Variants in AUTS2 observed in about 807,000 individuals in gnomAD.
AUTS2 encodes activator of transcription and developmental regulator AUTS2, also known as autism susceptibility gene 2 protein.
In AUTS2, 17 loss-of-function variants were observed where a neutral mutation model predicts 112.4. The observed-to-expected ratio is 0.15, with a 90% CI of 0.10 to 0.23. AUTS2 has a LOEUF of 0.23. Ranked by LOEUF, AUTS2 falls within the 10% of genes least tolerant of loss-of-function variation. The pLI, the probability that AUTS2 is intolerant of heterozygous loss-of-function variation, is 1.00. For synonymous variants in AUTS2, 751 were observed against 702.7 expected (o/e 1.07, Z -1.09); for missense variants, 1,510 against 1,701.6 (o/e 0.89, Z 1.98).
chr7:70,000,303 A>C (rs1053578035), intron 2 of AUTS2, among the ~76,000 whole-genome samples: 1 of 152,314 alleles, frequency 6.6e-6, no homozygotes, highest in East Asian at 1.9e-4. Flanking sequence ...GTTGGATCAA[A>C]AAGAGCTTTG....
intron 4 of AUTS2, among the ~76,000 whole-genome samples, chr7:70,314,590 G>T (rs993732033): frequency 1.3e-5 from 2 of 152,120 alleles, no homozygotes; most frequent in African/African-American, 4.8e-5. Context: ...CCTCAAATTT[G>T]TTGCTTTAGA....
intron 5 of AUTS2, among the ~76,000 whole-genome samples, chr7:70,518,332 G>A (rs2129494293): frequency 6.6e-6 from 1 of 152,262 alleles, no homozygotes; most frequent in East Asian, 1.9e-4. Flanking sequence ...TGATTTTCAT[G>A]ATCCTGCTAA....
intron 1 of AUTS2, among the ~76,000 whole-genome samples, chr7:69,888,736 G>T (rs1235820909): frequency 1.3e-5 from 2 of 151,268 alleles, no homozygotes; most frequent in Admixed American, 6.6e-5. Flanking sequence ...TCCACGCCTG[G>T]CTAATTTTTT....
intron 4 of AUTS2, among the ~76,000 whole-genome samples, chr7:70,295,847 C>G (rs1788909326): frequency 6.6e-6 from 1 of 152,148 alleles, no homozygotes; most frequent in Non-Finnish European, 1.5e-5. Flanking sequence ...CAAGAGAGTT[C>G]ATAGTATAGA....
intron 5 of AUTS2, among the ~76,000 whole-genome samples, chr7:70,470,956 G>C (rs1797358079): frequency 6.6e-6 from 1 of 152,144 alleles, no homozygotes; most frequent in South Asian, 2.1e-4. Context: ...CCCGGGGAAG[G>C]AAGGGCAGGC....
intron 1 of AUTS2, among the ~76,000 whole-genome samples, chr7:69,614,059 A>G (rs1286295169): frequency 1.3e-5 from 2 of 152,198 alleles, no homozygotes; most frequent in Non-Finnish European, 2.9e-5. Context: ...GGAAATCCCA[A>G]CTGCATTTAG....
chr7:70,439,367 G>A (rs533735576), intron 5 of AUTS2, among the ~76,000 whole-genome samples: 2 of 151,952 alleles, frequency 1.3e-5, no homozygotes, highest in South Asian at 2.1e-4. Context: ...GTGAAACCCC[G>A]TCTCTACTAA....
chr7:70,475,644 G>A (rs1797553343), intron 5 of AUTS2, among the ~76,000 whole-genome samples: 1 of 152,222 alleles, frequency 6.6e-6, no homozygotes, highest in African/African-American at 2.4e-5. Flanking sequence ...CAAGAAATCT[G>A]TGTGCTGAGT....
intron 5 of AUTS2, among the ~76,000 whole-genome samples, chr7:70,558,948 T>C (rs1801363503): frequency 6.6e-6 from 1 of 152,230 alleles, no homozygotes; most frequent in South Asian, 2.1e-4. Flanking sequence ...CCATCTGATA[T>C]GGTTTGGCTC....
chr7:70,507,250 A>T (rs768829415), intron 5 of AUTS2, among the ~76,000 whole-genome samples: 1 of 152,166 alleles, frequency 6.6e-6, no homozygotes, highest in Non-Finnish European at 1.5e-5. Flanking sequence ...TTTCATCAAG[A>T]ATACTGGCCC....
intron 1 of AUTS2, among the ~76,000 whole-genome samples, chr7:69,756,242 T>A (rs549083142): frequency 6.6e-6 from 1 of 152,294 alleles, no homozygotes; most frequent in South Asian, 2.1e-4. Context: ...GTGCTTACAG[T>A]TTTAACAAAG....
At chr7:70,217,700 G>T (rs1811244146) in intron 4 of AUTS2, among the ~76,000 whole-genome samples, 1 of 152,114 alleles carries the variant, frequency 6.6e-6, no homozygotes, top group Non-Finnish European at 1.5e-5. Flanking sequence ...TTTCTGTGGT[G>T]ATGTTTCAGT....
chr7:70,654,719 G>T (rs1383132460), intron 5 of AUTS2, among the ~76,000 whole-genome samples: 1 of 152,120 alleles, frequency 6.6e-6, no homozygotes, highest in Non-Finnish European at 1.5e-5. Flanking sequence ...TGAAAGAAAG[G>T]TGACTACGGT....
chr7:69,729,150 CT>C (rs1786661957), intron 1 of AUTS2, among the ~76,000 whole-genome samples: 1 of 151,942 alleles, frequency 6.6e-6, no homozygotes, highest in African/African-American at 2.4e-5. Flanking sequence ...CAAGAAAGAG[CT>C]TTGATACTAG....
At chr7:69,632,586 C>A (rs546141660) in intron 1 of AUTS2, among the ~76,000 whole-genome samples, 4 of 144,364 alleles carry the variant, frequency 2.8e-5, no homozygotes, top group Non-Finnish European at 6.1e-5. Flanking sequence ...TCTCCCCTCT[C>A]CCCTCTGCCT....
intron 4 of AUTS2, among the ~76,000 whole-genome samples, chr7:70,156,881 C>G (rs1807792788): frequency 1.2e-5 from 1 of 80,600 alleles, no homozygotes; most frequent in Non-Finnish European, 2.2e-5. Flanking sequence ...AACCCCATCT[C>G]TACTAAAAGT....
At chr7:69,798,272 C>A (rs1299859010) in intron 1 of AUTS2, among the ~76,000 whole-genome samples, 1 of 152,136 alleles carries the variant, frequency 6.6e-6, no homozygotes, top group Non-Finnish European at 1.5e-5. Flanking sequence ...CACCCCTTTA[C>A]TCATTTTACA....
intron 5 of AUTS2, among the ~76,000 whole-genome samples, chr7:70,647,289 C>T (rs549339787): frequency 3.9e-5 from 6 of 152,264 alleles, no homozygotes; most frequent in Non-Finnish European, 8.8e-5. Context: ...CAGTGAGAAA[C>T]GCTGGACGGC....
Position 70,588,395 on chromosome 7 carries a change from T to A in AUTS2, c.691-110174T>A, listed in dbSNP as rs548156936. Among the ~76,000 whole-genome samples, 6 of 152,244 alleles carry A rather than the reference T, an allele frequency of 3.9e-5. No homozygotes were observed. The East Asian group carries it at 9.7e-4, about 25-fold the overall frequency. On this transcript the variant is annotated intron_variant, in intron 5 of 18. Coordinates refer to ENST00000342771, the MANE Select transcript of AUTS2 (RefSeq NM_015570.4). ...TCTGTTAAATCAAGTGTGCAGCCGG[T>A]GGTTTAGCACAGAGGGGGACGACGG...
Sources: gnomAD v4.1 joint callset for allele counts (sites outside exome capture counted in the v4.1 genomes callset) on GRCh38, gnomAD v4.1.1 for gene constraint, MANE v1.5 for transcripts, NCBI Gene and HGNC (gene_info 2026-07-23, HGNC 2026-07-21) for gene names.